Variants in ANKS1A observed in about 807,000 individuals in gnomAD.
ANKS1A encodes ankyrin repeat and SAM domain-containing protein 1A.
Under a neutral mutation model 120.3 loss-of-function variants are expected in ANKS1A, and 55 were observed. The observed-to-expected ratio is 0.46, with a 90% CI of 0.37 to 0.57. ANKS1A has a LOEUF of 0.57. Ranked by LOEUF, ANKS1A falls within the 20% of genes least tolerant of loss-of-function variation. The pLI, the probability that ANKS1A is intolerant of heterozygous loss-of-function variation, is 0.00. For synonymous variants in ANKS1A, 590 were observed against 604.7 expected, an observed-to-expected ratio of 0.98 and a Z score of 0.36; for missense variants, 1,123 against 1,480.3, an observed-to-expected ratio of 0.76 and a Z score of 3.96.
intron 16 of ANKS1A, among the ~76,000 whole-genome samples, chr6:35,080,369 A>G (rs996542965): frequency 2.0e-5 from 3 of 152,192 alleles, no homozygotes; most frequent in African/African-American, 7.2e-5. Context: ...ATTCCTGACA[A>G]CAGAAACGGG....
At chr6:34,939,146 T>C (rs1460157802) in intron 1 of ANKS1A, among the ~76,000 whole-genome samples, 1 of 152,224 alleles carries the variant, frequency 6.6e-6, no homozygotes, top group East Asian at 1.9e-4. Context: ...TAGGTTCTTT[T>C]GGAGGTAGCA....
intron 11 of ANKS1A, among the ~76,000 whole-genome samples, chr6:35,034,383 A>AG (rs1262960098): frequency 1.3e-5 from 2 of 152,184 alleles, no homozygotes; most frequent in Non-Finnish European, 2.9e-5. Context: ...CACTAGCCCC[A>AG]GCCTTGTTTT....
chr6:35,082,916 C>T lies in ANKS1A; in HGVS notation c.2835+100C>T. ...AGCAGGGACTCCACAAAGCCAGGCCCAGGGCTTTTGAGCTGTTCTCCACTC... is the reference window on the plus strand; with the variant it reads ...AGCAGGGACTCCACAAAGCCAGGCCTAGGGCTTTTGAGCTGTTCTCCACTC... On this transcript the variant is annotated intron_variant, in intron 18 of 23. Coordinates refer to ENST00000360359, the MANE Select transcript of ANKS1A (RefSeq NM_015245.3). The surrounding 1 kb of genome is among the most constrained non-coding windows in gnomAD (Gnocchi z 4.1). 1 of 1,527,858 alleles carries T rather than the reference C, an allele frequency of 6.5e-7. No homozygotes were observed. Among genetic ancestry groups the T allele is most frequent in the Admixed American group, 2.0e-5 (1 of 49,410 alleles). The allele number at this position is 1,527,858 out of a possible 1,614,324, so 94.6% of individuals were successfully genotyped here.
intron 9 of ANKS1A, among the ~76,000 whole-genome samples, chr6:34,991,673 C>CAT (rs376989051): frequency 1.0e-4 from 3 of 29,828 alleles, no homozygotes; most frequent in South Asian, 2.1e-3. Flanking sequence ...TATATATACA[C>CAT]ATATATATAC....
At chr6:35,014,483 G>C (rs1773909768) in intron 10 of ANKS1A, among the ~76,000 whole-genome samples, 1 of 151,940 alleles carries the variant, frequency 6.6e-6, no homozygotes, top group Non-Finnish European at 1.5e-5. Flanking sequence ...CATGTGTCTG[G>C]TATTGAGCCC....
At chr6:34,977,397 AT>A (rs35012141) in intron 3 of ANKS1A, among the ~76,000 whole-genome samples, 112,255 of 145,058 alleles carry the variant, frequency 0.77, 45,073 homozygotes, top group Non-Finnish European at 0.9. Context: ...GCATTTTAGC[AT>A]TTTTTTTTTT....
chr6:35,082,733 C>T lies in ANKS1A; in HGVS notation c.2752C>T (p.Leu918=). Residue 918 remains leucine, a synonymous_variant, in exon 18 of 24, where the codon CTG becomes TTG. Coordinates refer to ENST00000360359, the MANE Select transcript of ANKS1A (RefSeq NM_015245.3). The surrounding 1 kb of genome is among the most constrained non-coding windows in gnomAD (Gnocchi z 4.1). The part of the protein sequence containing the change: ...EAKLTLRPPS[L]AAPYAPVQSW... Reference sequence around the variant, plus strand: ...CAAGCTGACCCTGCGGCCCCCGAGCCTGGCAGCCCCCTACGCCCCAGTGCA... The same window carrying T: ...CAAGCTGACCCTGCGGCCCCCGAGCTTGGCAGCCCCCTACGCCCCAGTGCA... 1 of 1,613,636 alleles carries T rather than the reference C, an allele frequency of 6.2e-7. No individual in the cohort carries two copies. Among genetic ancestry groups the T allele is most frequent in the Non-Finnish European group, 8.5e-7 (1 of 1,179,754 alleles).
chr6:35,005,629 GAAAGA>G, intron 10 of ANKS1A: 4 of 401,002 alleles, frequency 1.0e-5, no homozygotes, highest in Admixed American at 6.6e-5. Context: ...CTTAGTGAAA[GAAAGA>G]AAAGTAAAAG....
At chr6:34,962,643 G>A (rs1183836735) in intron 1 of ANKS1A, among the ~76,000 whole-genome samples, 1 of 151,684 alleles carries the variant, frequency 6.6e-6, no homozygotes, top group Non-Finnish European at 1.5e-5. Flanking sequence ...AAAAAAATTA[G>A]CCAGGCATGG....
At position 35,082,521 on chromosome 6, in the gene ANKS1A, C is replaced by T. The variant is rs559804437; in HGVS notation, c.2710-170C>T. 3.3e-5 allele frequency among the ~76,000 whole-genome samples: 5 copies of T among 152,308 alleles called. No homozygotes were observed. The highest frequency in any genetic ancestry group is 1.9e-4 in the East Asian group (1 of 5,186). On this transcript the variant is annotated intron_variant, in intron 17 of 23. Coordinates refer to ENST00000360359, the MANE Select transcript of ANKS1A (RefSeq NM_015245.3). This position sits in a 1 kb window ranked among gnomAD's most constrained non-coding sequence, Gnocchi z 4.1. ...GCCTCTGCTGTGGCTAGCACCTCCC[C>T]TCTCCCGCAGTGTGTTTGAATTGCT...
At position 35,081,166 on chromosome 6, in the gene ANKS1A, A is replaced by C. The variant is rs372108384; in HGVS notation, c.2709+8A>C. ...GAGCGCTTCAGGATCCAGGTGGGGC[A>C]GGGGGAGTGGAGGTGCAGCCAGGCT... On this transcript the variant is annotated splice_region_variant and intron_variant, in intron 17 of 23. Coordinates refer to ENST00000360359, the MANE Select transcript of ANKS1A (RefSeq NM_015245.3). 4 of 1,603,620 alleles carry C rather than the reference A, an allele frequency of 2.5e-6. No individual in the cohort carries two copies. Among genetic ancestry groups the C allele is most frequent in the East Asian group, 2.2e-5 (1 of 44,674 alleles).
At position 35,079,608 on chromosome 6, in the gene ANKS1A, G is replaced by C; in HGVS notation, c.2376G>C (p.Leu792Phe). The change falls in exon 15 of 24, where the codon TTG (leucine) becomes TTC (phenylalanine). Residue 792 changes from leucine to phenylalanine, a missense_variant. This residue lies in a region of ANKS1A where 904 missense variants were observed against 1,130.4 expected (regional missense o/e 0.80). Transcript: ENST00000360359. The stretch of plus-strand genomic sequence containing the variant: ...TGCAGGACTACGTCCATTCCTTCTT[G>C]TCAAGTGGTTACAGCTCCATTGACA... ...LGLQDYVHSF[L>F]SSGYSSIDTV... 2 of 1,614,202 alleles carry C rather than the reference G, an allele frequency of 1.2e-6. No individual in the cohort carries two copies. The highest frequency in any genetic ancestry group is 1.3e-5 in the African/African-American group (1 of 75,044).
rs891966203 is a variant in ANKS1A, at chr6:35,085,145, A to G, written c.3133-621A>G. ...GGCTTTGCTGCTTGCTGGCTGTGTG[A>G]GCTTGGAAACATCGCATCTGCCTGC... On this transcript the variant is annotated intron_variant, in intron 21 of 23. Coordinates refer to ENST00000360359, the MANE Select transcript of ANKS1A (RefSeq NM_015245.3). This position sits in a 1 kb window ranked among gnomAD's most constrained non-coding sequence, Gnocchi z 4.7. 1.3e-5 allele frequency among the ~76,000 whole-genome samples: 2 copies of G among 152,206 alleles called. No individual in the cohort carries two copies. Among genetic ancestry groups the G allele is most frequent in the East Asian group, 1.9e-4 (1 of 5,166 alleles).
chr6:34,991,723 CATATATACACATATATAT>C (rs1561896988), intron 9 of ANKS1A, among the ~76,000 whole-genome samples: 8 of 84,220 alleles, frequency 9.5e-5, no homozygotes, highest in African/African-American at 2.3e-4. Flanking sequence ...CATATATATA[CATATATACACATATATAT>C]ACATATATAC....
chr6:34,973,011 A>G (rs960624198), intron 3 of ANKS1A, among the ~76,000 whole-genome samples: 6 of 152,224 alleles, frequency 3.9e-5, no homozygotes, highest in Non-Finnish European at 8.8e-5. Context: ...ATAAGCATAG[A>G]AAAAATGATT....
At chr6:34,963,089 T>G (rs1770729115) in intron 1 of ANKS1A, among the ~76,000 whole-genome samples, 1 of 151,986 alleles carries the variant, frequency 6.6e-6, no homozygotes, top group Non-Finnish European at 1.5e-5. Flanking sequence ...CTCGAACTCC[T>G]GACCACAGGT....
chr6:35,082,643 T>C lies in ANKS1A; in HGVS notation c.2710-48T>C, dbSNP rs1777746713. 1.3e-6 allele frequency: 2 copies of C among 1,558,836 alleles called. No individual in the cohort carries two copies. Among genetic ancestry groups the C allele is most frequent in the South Asian group, 2.4e-5 (2 of 83,986 alleles). ...GCTGGAGCCAGGCAGCAAGCCCATG[T>C]GCTCCTCTGGAGCAAGGAGCAGGTG... is the stretch of plus-strand genomic sequence containing the variant. On this transcript the variant is annotated intron_variant, in intron 17 of 23. Coordinates refer to ENST00000360359, the MANE Select transcript of ANKS1A (RefSeq NM_015245.3). The surrounding 1 kb of genome is among the most constrained non-coding windows in gnomAD (Gnocchi z 4.1).
rs531621559 is a variant in ANKS1A, at chr6:35,089,399, G to A, written c.*790G>A. On this transcript the variant is annotated 3_prime_UTR_variant, in exon 24 of 24. Transcript: ENST00000360359. Reference sequence around the variant, plus strand: ...CCTGGCCTCTTACCTGTCAGTGATCGGAGCACTGCCCTGGGCTGGCCGGCG... The same window carrying A: ...CCTGGCCTCTTACCTGTCAGTGATCAGAGCACTGCCCTGGGCTGGCCGGCG... 2.8e-4 allele frequency: 276 copies of A among 986,698 alleles called. No homozygotes were observed. Among genetic ancestry groups the A allele is most frequent in the Non-Finnish European group, 3.1e-4 (260 of 830,584 alleles). 61.1% of individuals were successfully genotyped at this position (986,698 alleles called of 1,614,324 possible).
chr6:34,949,025 C>T (rs983259516), intron 1 of ANKS1A, among the ~76,000 whole-genome samples: 5 of 152,086 alleles, frequency 3.3e-5, no homozygotes, highest in Non-Finnish European at 7.3e-5. Context: ...TTTCCTCATC[C>T]GTAAAGGTTT....
Sources: allele counts gnomAD v4.1 joint callset (sites outside exome capture counted in the v4.1 genomes callset), GRCh38; gene constraint gnomAD v4.1.1; regional missense constraint gnomAD v4.1.1; non-coding constraint Gnocchi (gnomAD v3.1); transcripts MANE v1.5; gene names NCBI Gene and HGNC (gene_info 2026-07-23, HGNC 2026-07-21).